USP49: variants seen among roughly 807,000 people sequenced by gnomAD.
USP49 encodes ubiquitin carboxyl-terminal hydrolase 49.
USP49 carries 24 observed loss-of-function variants against 58.6 expected under a neutral mutation model. That is an observed-to-expected ratio of 0.41 (90% CI 0.30 to 0.58). The LOEUF is 0.58. USP49 is among the 20% of genes least tolerant of loss of function. The pLI is 0.30. For synonymous variants in USP49, 408 were observed against 365.1 expected, an observed-to-expected ratio of 1.12 and a Z score of -1.34; for missense variants, 703 against 866.1, an observed-to-expected ratio of 0.81 and a Z score of 2.36.
intron 3 of USP49, among the ~76,000 whole-genome samples, chr6:41,861,951 C>T (rs1774231295): frequency 6.6e-6 from 1 of 152,198 alleles, no homozygotes; most frequent in South Asian, 2.1e-4. Flanking sequence ...ATCCGCCCAC[C>T]TCGGCCTCCC....
In USP49 at chr6:41,798,697, C is replaced by T. The variant is rs1772936743; in HGVS notation, c.1876+27G>A. ...ACAAATCAACCCCTTTCCGTGTCCC[C>T]CACCCCACAGAGTAAAGCGCACGCA... On this transcript the variant is annotated intron_variant, in intron 7 of 7. Transcript: ENST00000682992. The T allele has an allele frequency of 1.2e-6, 2 of 1,613,660 alleles. No individual in the cohort carries two copies. The highest frequency in any genetic ancestry group is 3.3e-5 in the Admixed American group (2 of 59,978).
chr6:41,789,943 G>A lies in USP49; in HGVS notation c.*6590C>T, dbSNP rs985550711. 6.6e-6 allele frequency: 1 copy of A among 151,722 alleles called. No individual in the cohort carries two copies. Among genetic ancestry groups the A allele is most frequent in the African/African-American group, 2.4e-5 (1 of 41,258 alleles). The allele number at this position is 151,722 out of a possible 1,614,324, so 9.4% of individuals were successfully genotyped here. A position where few individuals can be genotyped will look rare whatever the true frequency, so the allele number is the denominator to read the frequency against. On this transcript the variant is annotated 3_prime_UTR_variant, in exon 8 of 8. Coordinates refer to ENST00000682992, the MANE Select transcript of USP49 (RefSeq NM_001286554.2). ...AAACTTTTGCTTACAAAAACAAGGTGTAAAAAGATTTACAAAAATCATAAA... is the reference window on the plus strand; with the variant it reads ...AAACTTTTGCTTACAAAAACAAGGTATAAAAAGATTTACAAAAATCATAAA...
At chr6:41,881,395 T>C (rs1435278160) in intron 2 of USP49, among the ~76,000 whole-genome samples, 3 of 150,430 alleles carry the variant, frequency 2.0e-5, no homozygotes, top group Non-Finnish European at 4.4e-5. Context: ...GGTAATATTC[T>C]TTTTATGCTG....
chr6:41,806,958 C>T lies in USP49; in HGVS notation c.26G>A (p.Arg9Gln). The change falls in exon 4 of 8, where the codon CGG becomes CAG. Residue 9 changes from arginine (R) to glutamine (Q), a missense_variant. Arg to Gln is a conservative substitution (Grantham distance 43). Around this residue, in one of 6 missense-constraint regions of USP49, gnomAD observed 376 missense variants for 373.5 expected, o/e 1.01. Transcript: ENST00000682992. The surrounding 1 kb of genome is among the most constrained non-coding windows in gnomAD (Gnocchi z 5.9). Reference sequence around the variant, plus strand: ...GGAGTGGTCCTGGGCGAGCCGTAACCGCCCTACATGTTTGCATCTATCCAT... The same window carrying T: ...GGAGTGGTCCTGGGCGAGCCGTAACTGCCCTACATGTTTGCATCTATCCAT... Reference protein sequence around the residue: MDRCKHVGRLRLAQDHSIL... With the variant: MDRCKHVGQLRLAQDHSIL... 1.9e-6 allele frequency: 3 copies of T among 1,605,558 alleles called. No homozygotes were observed. Among genetic ancestry groups the T allele is most frequent in the South Asian group, 1.1e-5 (1 of 90,830 alleles).
chr6:41,816,453 T>A (rs907624836), intron 3 of USP49, among the ~76,000 whole-genome samples: 1 of 152,224 alleles, frequency 6.6e-6, no homozygotes. Context: ...TTGCTTCCTG[T>A]GTCTGTAATT....
intron 2 of USP49, among the ~76,000 whole-genome samples, chr6:41,885,642 T>C (rs548734211): frequency 6.6e-6 from 1 of 152,006 alleles, no homozygotes; most frequent in East Asian, 1.9e-4. Flanking sequence ...CTACTAAAAA[T>C]AGAAAAATTA....
chr6:41,867,882 C>T (rs981814607), intron 3 of USP49, among the ~76,000 whole-genome samples: 1 of 152,140 alleles, frequency 6.6e-6, no homozygotes, highest in Non-Finnish European at 1.5e-5. Flanking sequence ...TAAGCATGGT[C>T]AAGAAAAATA....
rs1772802188 is a variant in USP49 at position 41,791,784 on chromosome 6, C to T, written c.*4749G>A. 1 of 152,062 alleles carries T rather than the reference C, an allele frequency of 6.6e-6. No individual in the cohort carries two copies. Among genetic ancestry groups the T allele is most frequent in the Non-Finnish European group, 1.5e-5 (1 of 68,020 alleles). 9.4% of individuals were successfully genotyped at this position (152,062 alleles called of 1,614,324 possible). ...TAGTAATTAAAGTCATAGTCCTGGCCCAACAGAACAGTTACTAAATGTAAG... is the reference window on the plus strand; with the variant it reads ...TAGTAATTAAAGTCATAGTCCTGGCTCAACAGAACAGTTACTAAATGTAAG... On this transcript the variant is annotated 3_prime_UTR_variant, in exon 8 of 8. Transcript: ENST00000682992.
At chr6:41,801,519 C>T (rs1486860180) in intron 5 of USP49, among the ~76,000 whole-genome samples, 1 of 152,194 alleles carries the variant, frequency 6.6e-6, no homozygotes, top group Non-Finnish European at 1.5e-5. Context: ...ATGGAATTCA[C>T]AGAGGGGCTT....
At chr6:41,804,493 A>G (rs532463696) in intron 4 of USP49, among the ~76,000 whole-genome samples, 1 of 152,214 alleles carries the variant, frequency 6.6e-6, no homozygotes, top group South Asian at 2.1e-4. Flanking sequence ...CAGAGCCTCA[A>G]AGTGCTGTGA....
In USP49 at chr6:41,812,795, G is replaced by A. The variant is rs555140652; in HGVS notation, c.-28-5784C>T. Reference sequence around the variant, plus strand: ...TTTATTTCTCAAATTCTTCCACTTAGACTAACACTGTCCAACAGAACTTTC... The same window carrying A: ...TTTATTTCTCAAATTCTTCCACTTAAACTAACACTGTCCAACAGAACTTTC... On this transcript the variant is annotated intron_variant, in intron 3 of 7. Coordinates refer to ENST00000682992, the MANE Select transcript of USP49 (RefSeq NM_001286554.2). Among the ~76,000 whole-genome samples the A allele has an allele frequency of 3.3e-5, 5 of 152,280 alleles. No homozygotes were observed. The East Asian group carries it at 9.6e-4, about 29-fold the overall frequency.
Position 41,803,533 on chromosome 6 carries a change from A to G in USP49, c.1561+273T>C, listed in dbSNP as rs1773057207. ...TGGTCAGGCTGGTCTCAAACTCCTGACCTCAAGTGATCTGTCCGCCTTGGC... is the reference window on the plus strand; with the variant it reads ...TGGTCAGGCTGGTCTCAAACTCCTGGCCTCAAGTGATCTGTCCGCCTTGGC... On this transcript the variant is annotated intron_variant, in intron 5 of 7. Transcript: ENST00000682992. The surrounding 1 kb of genome is among the most constrained non-coding windows in gnomAD (Gnocchi z 4.1). 3.3e-5 allele frequency among the ~76,000 whole-genome samples: 5 copies of G among 152,114 alleles called. No individual in the cohort carries two copies. Among genetic ancestry groups the G allele is most frequent in the Admixed American group, 2.6e-4 (4 of 15,268 alleles).
intron 5 of USP49, 65 bp from the exon 6 acceptor site, chr6:41,800,003 A>G: frequency 7.1e-7 from 1 of 1,410,018 alleles, no homozygotes; most frequent in East Asian, 2.3e-5. Context: ...TGGCAGAGAC[A>G]GTGACTTGCC....
At chr6:41,842,251 TA>T (rs1773840230) in intron 3 of USP49, among the ~76,000 whole-genome samples, 1 of 151,992 alleles carries the variant, frequency 6.6e-6, no homozygotes, top group South Asian at 2.1e-4. Context: ...CTCACACCTA[TA>T]GTCCCAGCTA....
At chr6:41,868,310 G>C (rs1204417340) in intron 3 of USP49, among the ~76,000 whole-genome samples, 1 of 152,038 alleles carries the variant, frequency 6.6e-6, no homozygotes, top group African/African-American at 2.4e-5. Context: ...GTTAACTTCT[G>C]TATTTATTTA....
intron 3 of USP49, among the ~76,000 whole-genome samples, chr6:41,838,637 G>T (rs1582013041): frequency 1.3e-5 from 2 of 152,118 alleles, no homozygotes; most frequent in African/African-American, 4.8e-5. Context: ...TTGAGTTCCA[G>T]ATTTTTCCAC....
chr6:41,860,157 C>G (rs1774194750), intron 3 of USP49, among the ~76,000 whole-genome samples: 5 of 152,086 alleles, frequency 3.3e-5, no homozygotes, highest in Admixed American at 3.3e-4. Context: ...ATACAGTCAC[C>G]AGTATTCAGA....
chr6:41,888,226 T>G (rs942214295), intron 2 of USP49, among the ~76,000 whole-genome samples: 3 of 151,578 alleles, frequency 2.0e-5, no homozygotes, highest in African/African-American at 7.3e-5. Context: ...AGCTAATTTT[T>G]GTATTTTTAG....
chr6:41,889,007 C>T (rs1774765758), intron 2 of USP49, among the ~76,000 whole-genome samples: 3 of 151,718 alleles, frequency 2.0e-5, no homozygotes, highest in Admixed American at 1.3e-4. Flanking sequence ...ATATGGCAAA[C>T]TTATTTGTAT....
Sources: gnomAD v4.1 joint callset for allele counts (sites outside exome capture counted in the v4.1 genomes callset) on GRCh38, gnomAD v4.1.1 for gene constraint, gnomAD v4.1.1 regional missense constraint, Gnocchi (gnomAD v3.1) non-coding constraint, MANE v1.5 for transcripts, NCBI Gene and HGNC (gene_info 2026-07-23, HGNC 2026-07-21) for gene names.